Variants in KCNT2 observed in about 807,000 individuals in gnomAD.
The protein encoded by KCNT2 is potassium channel subfamily T member 2.
Under a neutral mutation model 153.8 loss-of-function variants are expected in KCNT2, and 67 were observed. The ratio of observed to expected loss-of-function variants is 0.44; its 90% confidence interval spans 0.36 to 0.53. KCNT2 has a LOEUF of 0.53. Ranked by LOEUF, KCNT2 falls within the 20% of genes least tolerant of loss-of-function variation. The probability of loss-of-function intolerance (pLI) is 0.00; values close to 1 mark genes in which losing one functional copy is unlikely to be tolerated. For missense variants in KCNT2, 975 were observed against 1,354.8 expected, an observed-to-expected ratio of 0.72 and a Z score of 4.40; for synonymous variants, 500 against 458.8, an observed-to-expected ratio of 1.09 and a Z score of -1.15.
intron 1 of KCNT2, among the ~76,000 whole-genome samples, chr1:196,553,163 TA>T (rs754162620): frequency 4.4e-4 from 66 of 150,668 alleles, no homozygotes; most frequent in Non-Finnish European, 8.8e-4. Flanking sequence ...ATCTACTGCT[TA>T]AAAAAAATCA....
intron 2 of KCNT2, among the ~76,000 whole-genome samples, chr1:196,491,172 T>C (rs1679830464): frequency 6.6e-6 from 1 of 151,970 alleles, no homozygotes; most frequent in African/African-American, 2.4e-5. Context: ...CCTGGAAAGA[T>C]AGGACTGTTA....
intron 20 of KCNT2, among the ~76,000 whole-genome samples, chr1:196,318,396 T>A (rs1662946762): frequency 1.3e-5 from 2 of 151,782 alleles, no homozygotes. Context: ...TTTCTGTCCC[T>A]AGGAATTTGA....
At chr1:196,354,310 T>A (rs1057421664) in intron 14 of KCNT2, among the ~76,000 whole-genome samples, 6 of 151,768 alleles carry the variant, frequency 4.0e-5, no homozygotes, top group African/African-American at 1.4e-4. Context: ...TACATTTTGT[T>A]CTCTTTGATC....
intron 1 of KCNT2, among the ~76,000 whole-genome samples, chr1:196,568,156 T>C (rs1660328508): frequency 6.6e-6 from 1 of 152,136 alleles, no homozygotes; most frequent in Admixed American, 6.6e-5. Context: ...AGAGACTAGT[T>C]TCATGAAAGA....
At chr1:196,342,039 CTGAT>C (rs1429334959) in intron 15 of KCNT2, 36 bp downstream of exon 15, 2 of 1,586,768 alleles carry the variant, frequency 1.3e-6, no homozygotes, top group African/African-American at 1.3e-5. Context: ...ATATGCTTGA[CTGAT>C]TGATATTTTA....
At chr1:196,572,643 T>C (rs544682927) in intron 1 of KCNT2, among the ~76,000 whole-genome samples, 2 of 152,042 alleles carry the variant, frequency 1.3e-5, no homozygotes, top group Non-Finnish European at 2.9e-5. Flanking sequence ...CTAAGGGTGA[T>C]GGATACTATT....
chr1:196,386,943 A>G (rs1670042884), intron 13 of KCNT2, among the ~76,000 whole-genome samples: 1 of 152,038 alleles, frequency 6.6e-6, no homozygotes. Flanking sequence ...TATTTCACTA[A>G]CAGTAACTGA....
At chr1:196,464,695 C>T (rs186863838) in intron 8 of KCNT2, among the ~76,000 whole-genome samples, 74 of 151,916 alleles carry the variant, frequency 4.9e-4, no homozygotes, top group Non-Finnish European at 8.5e-4. Flanking sequence ...TCCATATGTC[C>T]GGTGTCATAT....
At chr1:196,230,698 G>A (rs1336711349) in intron 27 of KCNT2, among the ~76,000 whole-genome samples, 3 of 151,992 alleles carry the variant, frequency 2.0e-5, no homozygotes, top group African/African-American at 4.8e-5. Flanking sequence ...TAGAAGTGGA[G>A]CCCAAAGATG....
chr1:196,381,006 AC>A (rs1173510694), intron 13 of KCNT2, among the ~76,000 whole-genome samples: 1 of 152,220 alleles, frequency 6.6e-6, no homozygotes, highest in East Asian at 1.9e-4. Context: ...CTTAAAAGTC[AC>A]TTAGTTTCAC....
intron 13 of KCNT2, among the ~76,000 whole-genome samples, chr1:196,391,683 A>G (rs952293997): frequency 2.0e-5 from 3 of 151,378 alleles, no homozygotes; most frequent in African/African-American, 7.3e-5. Flanking sequence ...ATCTTTTGCA[A>G]TATTTAAATT....
chr1:196,599,231 G>C (rs1247806636), intron 1 of KCNT2, among the ~76,000 whole-genome samples: 2 of 152,372 alleles, frequency 1.3e-5, no homozygotes, highest in East Asian at 3.9e-4. Flanking sequence ...TTAACAACTA[G>C]TTGTTTATAA....
rs1202009572 is a variant in KCNT2 at position 196,315,981 on chromosome 1, C to A, written c.2394G>T (p.Met798Ile). The A allele has an allele frequency of 3.7e-6, 6 of 1,610,628 alleles. No individual in the cohort carries two copies. The highest frequency in any genetic ancestry group is 5.1e-6 in the Non-Finnish European group (6 of 1,177,956). Residue 798 changes from methionine (M) to isoleucine (I), a missense_variant, in exon 21 of 28, where the codon ATG becomes ATT. Physicochemically the swap from Met to Ile is conservative, Grantham distance 10 (BLOSUM62 1). This residue lies in a region of KCNT2 where 66 missense variants were observed against 147.9 expected (regional missense o/e 0.45). Coordinates refer to ENST00000294725, the MANE Select transcript of KCNT2 (RefSeq NM_198503.5). ...LRCGVTFAAN[M>I]VVVDKESTMS... Reference sequence around the variant, plus strand: ...TGGTGCTCTCTTTATCCACAACCACCATATTAGCAGCAAAAGTCACTCCAC... The same window carrying A: ...TGGTGCTCTCTTTATCCACAACCACAATATTAGCAGCAAAAGTCACTCCAC...
chr1:196,288,942 T>A (rs1006375869), intron 22 of KCNT2, among the ~76,000 whole-genome samples: 7 of 152,138 alleles, frequency 4.6e-5, no homozygotes, highest in African/African-American at 1.7e-4. Context: ...ACTAATTGTA[T>A]GATCTTTTAC....
At chr1:196,259,024 A>C (rs1172229231) in intron 25 of KCNT2, among the ~76,000 whole-genome samples, 6 of 152,168 alleles carry the variant, frequency 3.9e-5, no homozygotes, top group African/African-American at 1.2e-4. Flanking sequence ...AAATTCTCTC[A>C]TATGCTCCAG....
chr1:196,538,036 G>T (rs1655840184), intron 1 of KCNT2, among the ~76,000 whole-genome samples: 1 of 152,126 alleles, frequency 6.6e-6, no homozygotes, highest in Non-Finnish European at 1.5e-5. Flanking sequence ...CAGGTTTCCA[G>T]GTGCCCCACC....
intron 1 of KCNT2, among the ~76,000 whole-genome samples, chr1:196,512,999 T>G (rs1390803949): frequency 6.6e-6 from 1 of 152,114 alleles, no homozygotes; most frequent in Non-Finnish European, 1.5e-5. Flanking sequence ...CTTCTTCCCA[T>G]CACCTTATCG....
chr1:196,299,758 C>T (rs934194231), intron 22 of KCNT2, among the ~76,000 whole-genome samples: 1 of 152,014 alleles, frequency 6.6e-6, no homozygotes, highest in African/African-American at 2.4e-5. Flanking sequence ...GGTATACATC[C>T]AAAGGAAAGA....
intron 17 of KCNT2, among the ~76,000 whole-genome samples, chr1:196,332,111 C>T (rs907277113): frequency 1.3e-5 from 2 of 152,028 alleles, no homozygotes; most frequent in African/African-American, 4.8e-5. Context: ...AATTTCTGAC[C>T]TAGTTAAAAC....
Sources: gnomAD v4.1 joint callset for allele counts (sites outside exome capture counted in the v4.1 genomes callset) on GRCh38, gnomAD v4.1.1 for gene constraint, gnomAD v4.1.1 regional missense constraint, MANE v1.5 for transcripts, NCBI Gene and HGNC (gene_info 2026-07-23, HGNC 2026-07-21) for gene names.